PYGL: variants seen among roughly 807,000 people sequenced by gnomAD.
PYGL encodes the protein glycogen phosphorylase, liver form.
Under a neutral mutation model 100.1 loss-of-function variants are expected in PYGL, and 90 were observed. The observed-to-expected ratio is 0.90, with a 90% CI of 0.76 to 1.07. The LOEUF (loss-of-function observed/expected upper bound fraction) is 1.07, where lower values mean the gene tolerates loss of function less well. PYGL is among the 50% of genes least tolerant of loss of function. PYGL has a pLI of 0.00. For missense variants in PYGL, 1,016 were observed against 1,057.6 expected (o/e 0.96, Z 0.55); for synonymous variants, 373 against 393.0 (o/e 0.95, Z 0.60).
rs149391194 is a variant in PYGL, at chr14:50,927,537, T to C, written c.529-3437A>G. 2.9e-3 allele frequency among the ~76,000 whole-genome samples: 444 copies of C among 152,310 alleles called. 1 individual carries two copies. The highest frequency in any genetic ancestry group is 0.01 in the African/African-American group (417 of 41,574). ...ACCACGATAAGCCACATTTGCTCTT[T>C]TGAGGGTACACTCTTACATGAGATT... On this transcript the variant is annotated intron_variant, in intron 4 of 19. Transcript: ENST00000216392.
At chr14:50,930,421 C>G (rs577129343) in intron 4 of PYGL, among the ~76,000 whole-genome samples, 4 of 152,084 alleles carry the variant, frequency 2.6e-5, no homozygotes, top group Admixed American at 6.6e-5. Context: ...AAATTAGGAC[C>G]CAGGCTTCTC....
chr14:50,909,434 A>T (rs1162699499), intron 17 of PYGL, among the ~76,000 whole-genome samples: 1 of 152,206 alleles, frequency 6.6e-6, no homozygotes, highest in Non-Finnish European at 1.5e-5. Flanking sequence ...ACTCAGGTTA[A>T]TAAACCCATC....
rs578190309 is a variant in PYGL, at chr14:50,905,631, C to T, written c.2380-75G>A. ...CTTTATAATAAACATCAGCCAAGCACATCCAAACACATTTCATGAGGGAAA... is the reference window on the plus strand; with the variant it reads ...CTTTATAATAAACATCAGCCAAGCATATCCAAACACATTTCATGAGGGAAA... On this transcript the variant is annotated intron_variant, in intron 19 of 19. Transcript: ENST00000216392. 2.4e-3 allele frequency: 3,261 copies of T among 1,339,796 alleles called. 14 individuals carry two copies. Among genetic ancestry groups the T allele is most frequent in the South Asian group, 9.6e-3 (809 of 83,978 alleles). The allele number at this position is 1,339,796 out of a possible 1,614,324, so 83.0% of individuals were successfully genotyped here.
intron 2 of PYGL, among the ~76,000 whole-genome samples, 179 bp downstream of exon 2, chr14:50,937,557 T>C (rs1196031842): frequency 6.6e-6 from 1 of 152,238 alleles, no homozygotes; most frequent in Admixed American, 6.5e-5. Flanking sequence ...TTTCTGGTTG[T>C]TCCTCTTAAA....
intron 7 of PYGL, among the ~76,000 whole-genome samples, chr14:50,919,990 G>GTT (rs374308213): frequency 1.4e-5 from 2 of 144,200 alleles, no homozygotes; most frequent in East Asian, 2.0e-4. Context: ...GGCCCCAAGT[G>GTT]TTTTTTTTTT....
chr14:50,942,472 T>G (rs1255522593), intron 1 of PYGL, among the ~76,000 whole-genome samples: 3 of 140,456 alleles, frequency 2.1e-5, no homozygotes, highest in Non-Finnish European at 4.7e-5. Flanking sequence ...AAATAATTTT[T>G]AATGAGAGGC....
intron 2 of PYGL, among the ~76,000 whole-genome samples, chr14:50,935,638 G>C (rs1411969281): frequency 6.6e-6 from 1 of 152,170 alleles, no homozygotes; most frequent in Non-Finnish European, 1.5e-5. Flanking sequence ...GTGTACAGTA[G>C]GGTTAAAACC....
In PYGL at chr14:50,909,961, GCTT is replaced by G. The variant is rs2050375903; in HGVS notation, c.2108_2110del (p.Glu703del). 2.5e-6 allele frequency: 4 copies of G among 1,614,152 alleles called. No homozygotes were observed. Among genetic ancestry groups the G allele is most frequent in the South Asian group, 1.1e-5 (1 of 91,086 alleles). On this transcript the variant is annotated inframe_deletion, in exon 17 of 20. Transcript: ENST00000216392. ...AAAGATGAACAGGTTCTCTTCCCCA[GCTT>G]CTTCTGCCATTTCCACATTGGCCCC... is the stretch of plus-strand genomic sequence containing the variant.
Position 50,916,069 on chromosome 14 carries a change from C to A in PYGL, c.1093-98G>T, listed in dbSNP as rs373852523. The A allele has an allele frequency of 4.6e-5, 69 of 1,508,618 alleles. No individual in the cohort carries two copies. The African/African-American group carries it at 8.2e-4, about 18-fold the overall frequency. The allele number at this position is 1,508,618 out of a possible 1,614,324, so 93.5% of individuals were successfully genotyped here. ...AACCCTGCCCTGTCTGCAACAGGACCATTCCAAGTGTGCATAGTCAGAGCA... is the reference window on the plus strand; with the variant it reads ...AACCCTGCCCTGTCTGCAACAGGACAATTCCAAGTGTGCATAGTCAGAGCA... On this transcript the variant is annotated intron_variant, in intron 9 of 19. Transcript: ENST00000216392.
At chr14:50,916,446 G>A (rs1275693746) in intron 9 of PYGL, among the ~76,000 whole-genome samples, 196 bp downstream of exon 9, 4 of 152,136 alleles carry the variant, frequency 2.6e-5, no homozygotes, top group Non-Finnish European at 5.9e-5. Context: ...TTAGGAATGT[G>A]CTCATTTATT....
At position 50,944,303 on chromosome 14, in the gene PYGL, C is replaced by G. The variant is rs1475713698; in HGVS notation, c.101G>C (p.Arg34Pro). 14 of 1,613,980 alleles carry G rather than the reference C, an allele frequency of 8.7e-6. No individual in the cohort carries two copies. Among genetic ancestry groups the G allele is most frequent in the Non-Finnish European group, 1.1e-5 (13 of 1,179,888 alleles). The change falls in exon 1 of 20, where the codon CGG becomes CCG. Residue 34 changes from arginine to proline, a missense_variant. By Grantham distance (103) the Arg-to-Pro change is moderately radical. Transcript: ENST00000216392. ...CTTGACCAGCGTGAAGTGCAGGTGC[C>G]GGTTGAAACTCTTCTTCAGCTCTGC... ...NVAELKKSFNRHLHFTLVKDR... is the reference protein window; with the variant it reads ...NVAELKKSFNPHLHFTLVKDR...
At chr14:50,934,960 A>C (rs1001365833) in intron 3 of PYGL, 147 bp downstream of exon 3, 6 of 754,204 alleles carry the variant, frequency 8.0e-6, no homozygotes, top group African/African-American at 1.7e-5. Flanking sequence ...ACCAAAGTGC[A>C]AACTCAAGAA....
rs1042191 is a variant in PYGL, at chr14:50,944,386, C to G, written c.18G>C (p.Thr6=). 64 of 1,612,300 alleles carry G rather than the reference C, an allele frequency of 4.0e-5. No individual in the cohort carries two copies. The highest frequency in any genetic ancestry group is 5.2e-5 in the Non-Finnish European group (61 of 1,179,506). ...TGATCTGCCGCCGCTTCTCCTGGTC[C>G]GTCAGGGGCTTCGCCATGGCTGGGG... MAKPL[T]DQEKRRQISI... is the part of the protein sequence containing the mutation. Residue 6 remains threonine (T), a synonymous_variant, in exon 1 of 20, where the codon ACG becomes ACC. Coordinates refer to ENST00000216392, the MANE Select transcript of PYGL (RefSeq NM_002863.5).
chr14:50,921,786 C>A (rs7157107), intron 5 of PYGL, among the ~76,000 whole-genome samples: 1,708 of 152,214 alleles, frequency 0.011, 29 homozygotes, highest in African/African-American at 0.038. Context: ...CAAAAAATAG[C>A]ACTTAGAATA....
rs1416130517 is a variant in PYGL at position 50,931,686 on chromosome 14, C to T, written c.515G>A (p.Arg172Gln). The T allele has an allele frequency of 1.2e-5, 19 of 1,613,518 alleles. No homozygotes were observed. The highest frequency in any genetic ancestry group is 5.5e-5 in the South Asian group (5 of 91,064). Reference sequence around the variant, plus strand: ...TGGCTCACACACCTGCCATCCATCTCGGATCTTCTGATTGAAAATCCCATA... The same window carrying T: ...TGGCTCACACACCTGCCATCCATCTTGGATCTTCTGATTGAAAATCCCATA... ...YEYGIFNQKI[R>Q]DGWQVEEADD... is the part of the protein sequence containing the mutation. Residue 172 changes from arginine to glutamine, a missense_variant, in exon 4 of 20, where the codon CGA (arginine) becomes CAA (glutamine). Transcript: ENST00000216392.
Position 50,944,188 on chromosome 14 carries a change from C to A in PYGL, c.216G>T (p.Gln72His). 6.2e-7 allele frequency: 1 copy of A among 1,609,556 alleles called. No individual in the cohort carries two copies. The highest frequency in any genetic ancestry group is 8.5e-7 in the Non-Finnish European group (1 of 1,179,686). The part of the protein sequence containing the change: ...DHLVGRWIRT[Q>H]QHYYDKCPKR... ...TGGGGCACTTGTCGTAGTAGTGCTGCTGCGTGCGGATCCAGCGCCCCACCA... is the reference window on the plus strand; with the variant it reads ...TGGGGCACTTGTCGTAGTAGTGCTGATGCGTGCGGATCCAGCGCCCCACCA... The change falls in exon 1 of 20, where the codon CAG (glutamine) becomes CAT (histidine). Residue 72 changes from glutamine (Q) to histidine (H), a missense_variant. Transcript: ENST00000216392.
chr14:50,935,658 G>A (rs1468202253), intron 2 of PYGL, among the ~76,000 whole-genome samples: 1 of 152,118 alleles, frequency 6.6e-6, no homozygotes, highest in Non-Finnish European at 1.5e-5. Context: ...CTCAGAAACA[G>A]TCCAGTACCA....
chr14:50,932,281 C>A (rs1326295694), intron 3 of PYGL, among the ~76,000 whole-genome samples: 1 of 152,166 alleles, frequency 6.6e-6, no homozygotes, highest in African/African-American at 2.4e-5. Context: ...TAATGGAATT[C>A]CACTGTTGTT....
chr14:50,921,378 T>C, intron 5 of PYGL: 1 of 292,196 alleles, frequency 3.4e-6, no homozygotes, highest in East Asian at 7.2e-5. Flanking sequence ...GATATGGTAT[T>C]TGTATTCAAA....
Sources: allele counts gnomAD v4.1 joint callset (sites outside exome capture counted in the v4.1 genomes callset), GRCh38; gene constraint gnomAD v4.1.1; transcripts MANE v1.5; gene names NCBI Gene and HGNC (gene_info 2026-07-23, HGNC 2026-07-21).